Variants in USP9X observed in about 807,000 individuals in gnomAD.
USP9X encodes the protein ubiquitin specific peptidase 9 X-linked.
USP9X carries 7 observed loss-of-function variants against 190.3 expected under a neutral mutation model. The observed-to-expected ratio is 0.04, with a 90% confidence interval of 0.02 to 0.07. The LOEUF (loss-of-function observed/expected upper bound fraction) is 0.07, where lower values mean the gene tolerates loss of function less well. Among genes scored for constraint, USP9X ranks in the 10% least tolerant of loss-of-function variants. The pLI is 1.00. For synonymous variants in USP9X, 645 were observed against 659.5 expected (o/e 0.98, Z 0.34); for missense variants, 1,010 against 1,916.9 (o/e 0.53, Z 8.83).
chrX:41,142,636 T>C (rs2062432937), intron 9 of USP9X, among the ~76,000 whole-genome samples: 1 of 111,980 alleles, frequency 8.9e-6, no homozygotes, highest in Middle Eastern at 4.6e-3. Flanking sequence ...CAAAATCATA[T>C]AGTGTGGATT....
chrX:41,160,517 A>C (rs2062620519), intron 14 of USP9X, among the ~76,000 whole-genome samples: 2 of 111,412 alleles, frequency 1.8e-5, no homozygotes, highest in Non-Finnish European at 1.9e-5. Flanking sequence ...CCTAAACAAA[A>C]AAAGGGAGGT....
At chrX:41,158,564 T>G (rs994569320) in intron 14 of USP9X, among the ~76,000 whole-genome samples, 1 of 111,656 alleles carries the variant, frequency 9.0e-6, no homozygotes, top group African/African-American at 3.3e-5. Context: ...GCTCTAAGAC[T>G]TGGCTTACAA....
chrX:41,123,330 C>G (rs1350322154), intron 1 of USP9X, 141 bp from the exon 2 acceptor site: 1 of 251,785 alleles, frequency 4.0e-6, no homozygotes, highest in Non-Finnish European at 7.1e-6. Flanking sequence ...ATTAATGAAA[C>G]TTCAGCTTTT....
chrX:41,166,917 G>A (rs1015109911), intron 16 of USP9X, among the ~76,000 whole-genome samples: 7 of 111,887 alleles, frequency 6.3e-5, no homozygotes, highest in African/African-American at 1.9e-4. Context: ...CACTACAAAA[G>A]TAAACTGAAT....
chrX:41,235,929 C>G lies in USP9X; in HGVS notation c.*3405C>G, dbSNP rs1173117871. 1.8e-5 allele frequency: 2 copies of G among 111,579 alleles called. No homozygotes were observed. Among genetic ancestry groups the G allele is most frequent in the African/African-American group, 6.5e-5 (2 of 30,632 alleles). The allele number at this position is 111,579 out of a possible 1,213,427, so 9.2% of individuals were successfully genotyped here. A position where few individuals can be genotyped will look rare whatever the true frequency, so the allele number is the denominator to read the frequency against. On this transcript the variant is annotated 3_prime_UTR_variant, in exon 45 of 45. Transcript: ENST00000378308. ...TCTGTGAATATTCAGATGACTACTT[C>G]GAAGTAATTCAGTTTTTTTATTAGT...
chrX:41,113,051 G>A (rs2062121423), intron 1 of USP9X, among the ~76,000 whole-genome samples: 1 of 111,599 alleles, frequency 9.0e-6, no homozygotes, highest in Non-Finnish European at 1.9e-5. Flanking sequence ...CTCATGCTGT[G>A]GTAGAAAAAC....
rs759623425 is a variant in USP9X, at chrX:41,161,635, C to CTTT, written c.1898-1134_1898-1132dup. 8.0e-3 allele frequency among the ~76,000 whole-genome samples: 379 copies of CTTT among 47,374 alleles called. 29 individuals carry two copies. The highest frequency in any genetic ancestry group is 0.031 in the African/African-American group (286 of 9,169). 41.1% of individuals were successfully genotyped at this position (47,374 alleles called of 115,157 possible). On this transcript the variant is annotated intron_variant, in intron 14 of 44. Transcript: ENST00000378308. The stretch of plus-strand genomic sequence containing the variant: ...ACAGGCGTGAGCCATGGCGCCCTGC[C>CTTT]TTTTTTTTTTTTTTTTTTTTTTTAA...
chrX:41,229,319 T>G lies in USP9X; in HGVS notation c.7128T>G (p.Ser2376=), dbSNP rs1450357833. 1 of 1,198,484 alleles carries G rather than the reference T, an allele frequency of 8.3e-7. No homozygotes were observed. The highest frequency in any genetic ancestry group is 1.8e-5 in the African/African-American group (1 of 56,680). The change falls in exon 42 of 45, where the codon TCT becomes TCG. Residue 2376 remains serine, a synonymous_variant. Transcript: ENST00000378308. ...GGCTGTTTGACACAATCCAGCGCTC[T>G]AAGAATCACTATCAAAAAAGAGCAT... ...RDGLFDTIQR[S]KNHYQKRAYQ... is the part of the protein sequence containing the mutation.
chrX:41,127,390 T>C (rs1277452199), intron 2 of USP9X, among the ~76,000 whole-genome samples: 1 of 112,255 alleles, frequency 8.9e-6, no homozygotes, highest in Non-Finnish European at 1.9e-5. Context: ...TTTTATTTAC[T>C]CTTAAAGATT....
In USP9X at chrX:41,218,360, G is replaced by T. The variant is rs1381589298; in HGVS notation, c.6210-12G>T. On this transcript the variant is annotated splice_polypyrimidine_tract_variant and intron_variant, in intron 36 of 44. Transcript: ENST00000378308. Reference sequence around the variant, plus strand: ...TGACTTAATAGTCATAGGTTTTTTTGTTTTATTTTAGGTATGATGCATTGT... The same window carrying T: ...TGACTTAATAGTCATAGGTTTTTTTTTTTTATTTTAGGTATGATGCATTGT... The T allele has an allele frequency of 1.3e-5, 16 of 1,200,668 alleles. No homozygotes were observed. The Admixed American group carries it at 2.5e-4, about 19-fold the overall frequency.
intron 32 of USP9X, among the ~76,000 whole-genome samples, chrX:41,210,184 C>CA (rs2084684523): frequency 8.9e-6 from 1 of 111,875 alleles, no homozygotes; most frequent in Admixed American, 9.5e-5. Flanking sequence ...TAATTGGATT[C>CA]AAAATGCATG....
At chrX:41,144,201 A>C (rs1247941392) in intron 10 of USP9X, among the ~76,000 whole-genome samples, 1 of 103,978 alleles carries the variant, frequency 9.6e-6, no homozygotes, top group Non-Finnish European at 2.0e-5. Context: ...GCAGTTCTAA[A>C]GCATTTTATA....
intron 29 of USP9X, 118 bp from the exon 30 acceptor site, chrX:41,198,390 GAAAATCTGAGTTTTCTGAGA>G: frequency 3.1e-6 from 1 of 320,436 alleles, no homozygotes; most frequent in East Asian, 8.8e-5. Context: ...CTTTTTATTA[GAAAATCTGAGTTTTCTGAGA>G]TGTAATGAGA....
At chrX:41,199,190 A>G (rs1487655218) in intron 30 of USP9X, among the ~76,000 whole-genome samples, 2 of 109,288 alleles carry the variant, frequency 1.8e-5, no homozygotes, top group African/African-American at 6.8e-5. Flanking sequence ...TCTCAGAAAA[A>G]AAAGAAAAGA....
In USP9X at chrX:41,129,095, A is replaced by G; in HGVS notation, c.192A>G (p.Glu64=). Residue 64 remains glutamate, a synonymous_variant, in exon 3 of 45, where the codon GAA becomes GAG. Transcript: ENST00000378308. ...GDAPPQLEDE[E]PAFPHTDLAK... is the part of the protein sequence containing the mutation. Reference sequence around the variant, plus strand: ...CCCCACCACAGCTTGAAGATGAGGAACCTGCATTTCCACATACTGACTTGG... The same window carrying G: ...CCCCACCACAGCTTGAAGATGAGGAGCCTGCATTTCCACATACTGACTTGG... 1 of 1,211,440 alleles carries G rather than the reference A, an allele frequency of 8.3e-7. No individual in the cohort carries two copies.
At chrX:41,089,244 T>G (rs1347427339) in intron 1 of USP9X, among the ~76,000 whole-genome samples, 2 of 112,437 alleles carry the variant, frequency 1.8e-5, no homozygotes, top group East Asian at 5.5e-4. Flanking sequence ...CATTTTCCAT[T>G]TATTGCCTTA....
chrX:41,107,772 C>T (rs188742247), intron 1 of USP9X, among the ~76,000 whole-genome samples: 6 of 111,671 alleles, frequency 5.4e-5, no homozygotes, highest in East Asian at 5.6e-4. Context: ...TTCTTTGTTC[C>T]GACAGCTCAT....
chrX:41,213,163 G>T (rs1048598028), intron 33 of USP9X, among the ~76,000 whole-genome samples: 10 of 111,313 alleles, frequency 9.0e-5, no homozygotes, highest in African/African-American at 2.9e-4. Flanking sequence ...TGGGCATGGG[G>T]GTGGACTCCT....
At chrX:41,099,089 G>A (rs2062014215) in intron 1 of USP9X, among the ~76,000 whole-genome samples, 1 of 64,485 alleles carries the variant, frequency 1.6e-5, no homozygotes, top group Non-Finnish European at 2.8e-5. Flanking sequence ...ATAATGCCCA[G>A]ATAATTGTTT....
Sources: allele counts gnomAD v4.1 joint callset (sites outside exome capture counted in the v4.1 genomes callset), GRCh38; gene constraint gnomAD v4.1.1; transcripts MANE v1.5; gene names NCBI Gene and HGNC (gene_info 2026-07-23, HGNC 2026-07-21).